Variants in ANKRD29 observed in about 807,000 individuals in gnomAD.
ANKRD29 encodes ankyrin repeat domain-containing protein 29.
In ANKRD29, 32 loss-of-function variants were observed where a neutral mutation model predicts 38.0. That is an observed-to-expected ratio of 0.84 (90% confidence interval 0.64 to 1.13). The LOEUF (loss-of-function observed/expected upper bound fraction) is 1.13, where lower values mean the gene tolerates loss of function less well. ANKRD29 is among the 50% of genes most tolerant of loss of function. The pLI, the probability that ANKRD29 is intolerant of heterozygous loss-of-function variation, is 0.00. For synonymous variants in ANKRD29, 135 were observed against 152.4 expected (o/e 0.89, Z 0.84); for missense variants, 357 against 377.9 (o/e 0.94, Z 0.46).
chr18:23,612,931 T>G (rs771855709), intron 8 of ANKRD29, among the ~76,000 whole-genome samples: 4 of 152,108 alleles, frequency 2.6e-5, no homozygotes, highest in Non-Finnish European at 5.9e-5. Flanking sequence ...AGGGTACATA[T>G]GTCCATAAAT....
intron 1 of ANKRD29, among the ~76,000 whole-genome samples, chr18:23,651,020 A>C (rs1390169744): frequency 2.0e-5 from 3 of 152,248 alleles, no homozygotes; most frequent in Non-Finnish European, 4.4e-5. Context: ...TATTAAATAC[A>C]GTGCTTTTTC....
rs56005663 is a variant in ANKRD29, at chr18:23,624,466, CAAAAAAAAAAAAAAAAAAA to C, written c.529-4856_529-4838del. Among the ~76,000 whole-genome samples, 90 of 32,464 alleles carry C rather than the reference CAAAAAAAAAAAAAAAAAAA, an allele frequency of 2.8e-3. 1 individual carries two copies. The highest frequency in any genetic ancestry group is 4.9e-3 in the African/African-American group (58 of 11,908). 21.3% of individuals were successfully genotyped at this position (32,464 alleles called of 152,430 possible). On this transcript the variant is annotated intron_variant, in intron 6 of 9. Transcript: ENST00000592179. Reference sequence around the variant, plus strand: ...TGGGCGACAGAGTGAGACTCCATCTCAAAAAAAAAAAAAAAAAAAAAAAAAAAAAAAAAAGGTAATAGAA... The same window carrying C: ...TGGGCGACAGAGTGAGACTCCATCTCAAAAAAAAAAAAAAAGGTAATAGAA...
At chr18:23,632,745 GC>G (rs1181826289) in intron 5 of ANKRD29, among the ~76,000 whole-genome samples, 1 of 152,038 alleles carries the variant, frequency 6.6e-6, no homozygotes, top group Non-Finnish European at 1.5e-5. Context: ...CTAATGGGCA[GC>G]CAGAGTTGAG....
intron 5 of ANKRD29, among the ~76,000 whole-genome samples, chr18:23,633,324 T>C (rs1397848478): frequency 6.6e-6 from 1 of 152,202 alleles, no homozygotes; most frequent in Non-Finnish European, 1.5e-5. Context: ...ATACCTTAGA[T>C]TTCTCCTCTT....
At chr18:23,637,094 T>A (rs1289291202) in intron 4 of ANKRD29, among the ~76,000 whole-genome samples, 2 of 152,216 alleles carry the variant, frequency 1.3e-5, no homozygotes. Flanking sequence ...ACAAACTGGC[T>A]CATGTACAAA....
intron 3 of ANKRD29, among the ~76,000 whole-genome samples, chr18:23,645,235 C>T (rs1232546143): frequency 6.6e-6 from 1 of 152,096 alleles, no homozygotes; most frequent in African/African-American, 2.4e-5. Context: ...ATTAGTTTAC[C>T]AGGTCCTGGG....
chr18:23,654,276 CAAAAAATA>C (rs1415900726), intron 1 of ANKRD29, among the ~76,000 whole-genome samples: 2 of 130,522 alleles, frequency 1.5e-5, no homozygotes, highest in Admixed American at 8.5e-5. Flanking sequence ...CCAGCCTCCA[CAAAAAATA>C]AATAAATAAA....
At chr18:23,632,801 G>C (rs1418132064) in intron 5 of ANKRD29, among the ~76,000 whole-genome samples, 2 of 152,018 alleles carry the variant, frequency 1.3e-5, no homozygotes, top group East Asian at 3.9e-4. Flanking sequence ...TCATTCTACT[G>C]GTAATGTTGC....
At chr18:23,606,293 A>AATTTCTT (rs2059574285) in intron 9 of ANKRD29, among the ~76,000 whole-genome samples, 1 of 151,798 alleles carries the variant, frequency 6.6e-6, no homozygotes. Context: ...TTTGTTTTTT[A>AATTTCTT]ATTTCTTAAA....
intron 1 of ANKRD29, among the ~76,000 whole-genome samples, chr18:23,656,605 C>T (rs559423271): frequency 3.0e-4 from 45 of 152,218 alleles, no homozygotes; most frequent in Middle Eastern, 3.4e-3. Context: ...CTGATTTGCT[C>T]GCTGCATGAG....
chr18:23,633,836 T>C (rs143962919), intron 5 of ANKRD29, among the ~76,000 whole-genome samples: 4,387 of 152,222 alleles, frequency 0.029, 81 homozygotes, highest in Non-Finnish European at 0.045. Flanking sequence ...CCCAAAGTGC[T>C]GGGATTAGAG....
chr18:23,624,952 T>G (rs1471351307), intron 6 of ANKRD29, among the ~76,000 whole-genome samples: 1 of 152,132 alleles, frequency 6.6e-6, no homozygotes, highest in Non-Finnish European at 1.5e-5. Flanking sequence ...CTGAGAGTAT[T>G]TGGAAAAAAG....
chr18:23,627,739 C>A (rs1001014035), intron 6 of ANKRD29, among the ~76,000 whole-genome samples: 3 of 152,172 alleles, frequency 2.0e-5, no homozygotes, highest in Non-Finnish European at 4.4e-5. Context: ...TCTAAATTCA[C>A]AGTGGTATCT....
chr18:23,633,217 A>C (rs2059956113), intron 5 of ANKRD29, among the ~76,000 whole-genome samples: 1 of 152,246 alleles, frequency 6.6e-6, no homozygotes, highest in Non-Finnish European at 1.5e-5. Context: ...AGTTAGCTGC[A>C]AACAGACCCG....
At chr18:23,650,003 C>A (rs866536226) in intron 1 of ANKRD29, among the ~76,000 whole-genome samples, 15 of 152,348 alleles carry the variant, frequency 9.8e-5, no homozygotes, top group South Asian at 4.1e-4. Context: ...GCTGGGATTA[C>A]AGGTGTGAGC....
chr18:23,657,758 G>A (rs1337978018), intron 1 of ANKRD29, among the ~76,000 whole-genome samples: 1 of 152,160 alleles, frequency 6.6e-6, no homozygotes, highest in Non-Finnish European at 1.5e-5. Flanking sequence ...ATGCATTAGT[G>A]CTTCATTCCT....
intron 3 of ANKRD29, among the ~76,000 whole-genome samples, chr18:23,640,617 G>C (rs1330328154): frequency 3.3e-5 from 5 of 152,166 alleles, no homozygotes; most frequent in African/African-American, 1.2e-4. Context: ...AACTGATCAT[G>C]ACATTCTGAG....
rs576405501 is a variant in ANKRD29 at position 23,658,061 on chromosome 18, G to A, written c.21+4649C>T. ...TCTTCCAATTTCTCCCTTTTGGGGTGGAAACATGTATATCCTATGCCTGTC... is the reference window on the plus strand; with the variant it reads ...TCTTCCAATTTCTCCCTTTTGGGGTAGAAACATGTATATCCTATGCCTGTC... On this transcript the variant is annotated intron_variant, in intron 1 of 9. Transcript: ENST00000592179. Among the ~76,000 whole-genome samples, 9 of 152,270 alleles carry A rather than the reference G, an allele frequency of 5.9e-5. No individual in the cohort carries two copies. The East Asian group carries it at 7.7e-4, about 13-fold the overall frequency.
intron 5 of ANKRD29, among the ~76,000 whole-genome samples, chr18:23,630,395 C>A (rs1346945823): frequency 6.6e-6 from 1 of 152,002 alleles, no homozygotes; most frequent in Non-Finnish European, 1.5e-5. Context: ...CACTTCATTC[C>A]AGCCTGGGCA....
Sources: allele counts gnomAD v4.1 joint callset (sites outside exome capture counted in the v4.1 genomes callset), GRCh38; gene constraint gnomAD v4.1.1; transcripts MANE v1.5; gene names NCBI Gene and HGNC (gene_info 2026-07-23, HGNC 2026-07-21).